Variants in XRRA1 observed in about 807,000 individuals in gnomAD.
XRRA1 encodes X-ray radiation resistance-associated protein 1.
Under a neutral mutation model 80.2 loss-of-function variants are expected in XRRA1, and 69 were observed. That is an observed-to-expected ratio of 0.86 (90% CI 0.71 to 1.05). The LOEUF (loss-of-function observed/expected upper bound fraction) is 1.05, where lower values mean the gene tolerates loss of function less well. Ranked by LOEUF, XRRA1 falls within the 50% of genes least tolerant of loss-of-function variation. The pLI, the probability that XRRA1 is intolerant of heterozygous loss-of-function variation, is 0.00. For synonymous variants in XRRA1, 348 were observed against 389.9 expected (o/e 0.89, Z 1.27); for missense variants, 967 against 976.4 (o/e 0.99, Z 0.13).
chr11:74,940,330 C>T (rs1013694650), intron 3 of XRRA1, among the ~76,000 whole-genome samples: 1 of 152,034 alleles, frequency 6.6e-6, no homozygotes, highest in Non-Finnish European at 1.5e-5. Context: ...AGACAGCTCA[C>T]GAGAGGATGG....
At chr11:74,879,498 T>A (rs898891179) in intron 10 of XRRA1, among the ~76,000 whole-genome samples, 24 of 151,680 alleles carry the variant, frequency 1.6e-4, no homozygotes, top group Non-Finnish European at 3.1e-4. Context: ...CTTCCAACAC[T>A]GTGTTGAATA....
chr11:74,902,968 T>C (rs2053853769), intron 10 of XRRA1, among the ~76,000 whole-genome samples: 1 of 152,216 alleles, frequency 6.6e-6, no homozygotes, highest in African/African-American at 2.4e-5. Flanking sequence ...CATAAATATG[T>C]ACATCTACTA....
rs1482945730 is a variant in XRRA1 at position 74,882,272 on chromosome 11, G to A, written c.1004-19251C>T. Among the ~76,000 whole-genome samples, 307 of 150,948 alleles carry A rather than the reference G, an allele frequency of 2.0e-3. 1 individual carries two copies. Among genetic ancestry groups the A allele is most frequent in the African/African-American group, 6.4e-3 (264 of 41,154 alleles). On this transcript the variant is annotated intron_variant, in intron 10 of 18. Transcript: ENST00000684022. ...CATTTCATTCATTTCATCTTCCATC[G>A]CTGATACCCTTTCTTCCAGTTGATT...
intron 14 of XRRA1, among the ~76,000 whole-genome samples, chr11:74,848,672 G>A (rs140922784): frequency 1.2e-4 from 18 of 152,296 alleles, no homozygotes; most frequent in African/African-American, 4.3e-4. Context: ...ACTACCCAAT[G>A]AATAATTATC....
intron 8 of XRRA1, among the ~76,000 whole-genome samples, chr11:74,911,908 G>A (rs73496929): frequency 0.041 from 6,272 of 152,298 alleles, 135 homozygotes; most frequent in African/African-American, 0.058. Context: ...TACCCTGAAG[G>A]TGGGGAGTTT....
At chr11:74,883,569 T>G (rs2048273827) in intron 10 of XRRA1, among the ~76,000 whole-genome samples, 1 of 152,234 alleles carries the variant, frequency 6.6e-6, no homozygotes, top group Non-Finnish European at 1.5e-5. Context: ...AAACCCTATA[T>G]TCTAAACCTT....
intron 10 of XRRA1, among the ~76,000 whole-genome samples, chr11:74,905,022 C>A (rs994990354): frequency 2.0e-5 from 3 of 151,804 alleles, no homozygotes; most frequent in Non-Finnish European, 2.9e-5. Context: ...TAGGGAGAAT[C>A]TGAATAACAT....
At chr11:74,924,707 C>G (rs974068276) in intron 7 of XRRA1, among the ~76,000 whole-genome samples, 10 of 152,038 alleles carry the variant, frequency 6.6e-5, no homozygotes, top group Non-Finnish European at 1.3e-4. Flanking sequence ...GTGGTGCACA[C>G]TCATAGTCCC....
At chr11:74,939,763 A>G (rs1945913829) in intron 3 of XRRA1, among the ~76,000 whole-genome samples, 1 of 152,222 alleles carries the variant, frequency 6.6e-6, no homozygotes, top group Admixed American at 6.5e-5. Flanking sequence ...ACATATGTAC[A>G]CTAAAACATA....
chr11:74,903,572 G>A (rs536036788), intron 10 of XRRA1, among the ~76,000 whole-genome samples: 32 of 152,226 alleles, frequency 2.1e-4, no homozygotes, highest in South Asian at 6.2e-4. Flanking sequence ...GCATGGTGGC[G>A]GGCGCTTGTA....
chr11:74,930,609 A>G (rs1464916817), intron 5 of XRRA1, among the ~76,000 whole-genome samples: 1 of 152,174 alleles, frequency 6.6e-6, no homozygotes, highest in Non-Finnish European at 1.5e-5. Context: ...AGACCCATAT[A>G]ACCACTATCC....
At chr11:74,897,244 T>C (rs1171238015) in intron 10 of XRRA1, among the ~76,000 whole-genome samples, 1 of 151,922 alleles carries the variant, frequency 6.6e-6, no homozygotes, top group African/African-American at 2.4e-5. Context: ...AAAGAATGCA[T>C]CAGTCTCTTG....
At chr11:74,888,392 G>T (rs2049652816) in intron 10 of XRRA1, among the ~76,000 whole-genome samples, 1 of 152,146 alleles carries the variant, frequency 6.6e-6, no homozygotes, top group African/African-American at 2.4e-5. Context: ...TAACAGAAAG[G>T]ACATCCACAT....
chr11:74,905,626 C>T (rs766596944), intron 10 of XRRA1, among the ~76,000 whole-genome samples: 58 of 152,246 alleles, frequency 3.8e-4, no homozygotes, highest in Middle Eastern at 6.8e-3. Context: ...TTTGTTTTTG[C>T]TGTAGTCTAG....
chr11:74,903,688 G>A (rs1182881206), intron 10 of XRRA1, among the ~76,000 whole-genome samples: 6 of 152,154 alleles, frequency 3.9e-5, no homozygotes, highest in African/African-American at 4.8e-5. Flanking sequence ...GGGCAACAGC[G>A]TGAGACTCCG....
intron 10 of XRRA1, among the ~76,000 whole-genome samples, chr11:74,903,458 CTT>C (rs1262985634): frequency 1.3e-5 from 2 of 152,214 alleles, no homozygotes; most frequent in Non-Finnish European, 2.9e-5. Flanking sequence ...AATCCCAACA[CTT>C]TGGGAGGCTG....
intron 10 of XRRA1, among the ~76,000 whole-genome samples, chr11:74,868,216 G>A: frequency 6.6e-6 from 1 of 152,106 alleles, no homozygotes; most frequent in East Asian, 1.9e-4. Flanking sequence ...ACTGCGCTGG[G>A]CTCAACATTC....
chr11:74,921,437 C>G (rs1017734840), intron 7 of XRRA1, 90 bp from the exon 8 acceptor site: 4 of 1,529,074 alleles, frequency 2.6e-6, no homozygotes, highest in Non-Finnish European at 3.6e-6. Flanking sequence ...TCTAGAGTGC[C>G]CCATCGCCCA....
intron 8 of XRRA1, among the ~76,000 whole-genome samples, chr11:74,916,821 C>T (rs149256402): frequency 1.3e-4 from 20 of 151,930 alleles, no homozygotes; most frequent in South Asian, 4.2e-4. Flanking sequence ...TTTTTTGTTT[C>T]GTGTTTGATT....
Sources: gnomAD v4.1 joint callset for allele counts (sites outside exome capture counted in the v4.1 genomes callset) on GRCh38, gnomAD v4.1.1 for gene constraint, MANE v1.5 for transcripts, NCBI Gene and HGNC (gene_info 2026-07-23, HGNC 2026-07-21) for gene names.